Variants in DCC observed in about 807,000 individuals in gnomAD.
The protein encoded by DCC is DCC netrin 1 receptor.
A neutral mutation model predicts 172.5 loss-of-function variants in DCC; 58 were observed. The observed-to-expected ratio is 0.34, with a 90% CI of 0.27 to 0.42. DCC has a LOEUF of 0.42. Ranked by LOEUF, DCC falls within the 10% of genes least tolerant of loss-of-function variation. The pLI is 1.00. For synonymous variants in DCC, 709 were observed against 644.5 expected, an observed-to-expected ratio of 1.10 and a Z score of -1.52; for missense variants, 1,740 against 1,791.0, an observed-to-expected ratio of 0.97 and a Z score of 0.51.
At chr18:53,012,007 C>T (rs150675595) in intron 5 of DCC, among the ~76,000 whole-genome samples, 248 of 151,798 alleles carry the variant, frequency 1.6e-3, no homozygotes, top group African/African-American at 5.6e-3. Flanking sequence ...CCTTAGGCAC[C>T]CACCAGATTA....
At chr18:52,446,734 T>C (rs1988136228) in intron 1 of DCC, among the ~76,000 whole-genome samples, 1 of 152,200 alleles carries the variant, frequency 6.6e-6, no homozygotes, top group Non-Finnish European at 1.5e-5. Flanking sequence ...CACAGAGTTA[T>C]TTTTGTGTGT....
intron 5 of DCC, among the ~76,000 whole-genome samples, chr18:52,945,781 A>G (rs2040535450): frequency 6.6e-6 from 1 of 152,192 alleles, no homozygotes; most frequent in African/African-American, 2.4e-5. Context: ...ATGGGTCACA[A>G]ACTGACAACC....
chr18:53,029,328 G>A (rs906665541), intron 5 of DCC, among the ~76,000 whole-genome samples: 2 of 152,166 alleles, frequency 1.3e-5, no homozygotes, highest in African/African-American at 4.8e-5. Context: ...TTAGAACAGT[G>A]TCACCTGTTC....
At chr18:53,207,586 G>T in intron 10 of DCC, 93 bp from the exon 11 acceptor site, 3 of 1,198,812 alleles carry the variant, frequency 2.5e-6, no homozygotes, top group East Asian at 2.3e-5. Flanking sequence ...GTTTGTAAGA[G>T]TCTAATGTCC....
At chr18:52,414,347 G>T (rs907158840) in intron 1 of DCC, among the ~76,000 whole-genome samples, 3 of 152,072 alleles carry the variant, frequency 2.0e-5, no homozygotes, top group African/African-American at 7.3e-5. Flanking sequence ...GCCTCCCAAA[G>T]TGCTGGGATT....
intron 1 of DCC, among the ~76,000 whole-genome samples, chr18:52,636,440 T>C (rs1598974696): frequency 6.6e-6 from 1 of 151,790 alleles, no homozygotes; most frequent in Non-Finnish European, 1.5e-5. Context: ...CTGGGGCAGG[T>C]TTTCAAGCCC....
chr18:53,333,201 T>C (rs2057551350), intron 14 of DCC, among the ~76,000 whole-genome samples: 1 of 152,200 alleles, frequency 6.6e-6, no homozygotes, highest in African/African-American at 2.4e-5. Context: ...TTAAAGTTTA[T>C]AGAGGTGAGC....
chr18:53,310,665 T>A (rs1396485501), intron 13 of DCC, among the ~76,000 whole-genome samples: 1 of 152,168 alleles, frequency 6.6e-6, no homozygotes, highest in African/African-American at 2.4e-5. Flanking sequence ...AGTTTTCTTG[T>A]GTTTCATGGT....
chr18:53,008,450 A>C (rs1201164314), intron 5 of DCC, among the ~76,000 whole-genome samples: 1 of 152,094 alleles, frequency 6.6e-6, no homozygotes, highest in African/African-American at 2.4e-5. Context: ...TGTTTTCAAA[A>C]AAGAATATAT....
At chr18:52,907,890 T>TA (rs1274659181) in intron 3 of DCC, among the ~76,000 whole-genome samples, 1 of 152,184 alleles carries the variant, frequency 6.6e-6, no homozygotes, top group Non-Finnish European at 1.5e-5. Context: ...ATGATGATTT[T>TA]AAAAAAGTCA....
intron 5 of DCC, among the ~76,000 whole-genome samples, chr18:52,948,665 C>A (rs1214392426): frequency 6.6e-6 from 1 of 152,170 alleles, no homozygotes; most frequent in East Asian, 1.9e-4. Flanking sequence ...CTATGGGGCA[C>A]CCCTGCTTTG....
intron 1 of DCC, among the ~76,000 whole-genome samples, chr18:52,624,000 A>G (rs1408903004): frequency 6.6e-6 from 1 of 152,194 alleles, no homozygotes; most frequent in Non-Finnish European, 1.5e-5. Flanking sequence ...TAGAAATTGT[A>G]GGTTACAAAA....
At chr18:53,395,059 C>T (rs927097662) in intron 17 of DCC, among the ~76,000 whole-genome samples, 13 of 150,040 alleles carry the variant, frequency 8.7e-5, no homozygotes, top group South Asian at 2.1e-4. Context: ...CTGAGGCATG[C>T]GAATCACTTG....
chr18:52,437,733 C>T (rs9951433), intron 1 of DCC, among the ~76,000 whole-genome samples: 1 of 152,094 alleles, frequency 6.6e-6, no homozygotes, highest in African/African-American at 2.4e-5. Context: ...ATGCTTATCC[C>T]ACTTGTCTCT....
chr18:53,205,497 A>G lies in DCC; in HGVS notation c.1722+133A>G, dbSNP rs548152391. ...CCCAGTGTTAACACATTCATTGAAA[A>G]GCTGATTAGTTTTAAAGCACTTGTT... is the stretch of plus-strand genomic sequence containing the variant. On this transcript the variant is annotated intron_variant, in intron 10 of 28. Transcript: ENST00000442544. 1.6e-3 allele frequency: 1,367 copies of G among 878,356 alleles called. 19 individuals carry two copies. The highest frequency in any genetic ancestry group is 8.0e-3 in the South Asian group (588 of 73,654). The allele number at this position is 878,356 out of a possible 1,614,324, so 54.4% of individuals were successfully genotyped here.
intron 1 of DCC, among the ~76,000 whole-genome samples, chr18:52,687,338 G>A (rs906951872): frequency 6.8e-5 from 10 of 146,234 alleles, no homozygotes; most frequent in Middle Eastern, 3.6e-3. Flanking sequence ...AGGCTGGAGT[G>A]TGATGGTGTG....
chr18:52,512,253 TG>T (rs1415359837), intron 1 of DCC, among the ~76,000 whole-genome samples: 1 of 152,204 alleles, frequency 6.6e-6, no homozygotes, highest in East Asian at 1.9e-4. Context: ...ACCATTCCTG[TG>T]GCCAAGTCCT....
chr18:52,610,168 AAAAAAAAAAAATATATATATATATAT>A (rs1425375991), intron 1 of DCC, among the ~76,000 whole-genome samples: 286 of 23,044 alleles, frequency 0.012, 25 homozygotes, highest in Admixed American at 0.088. Flanking sequence ...AAAAAAAAAA[AAAAAAAAAAAATATATATATATATAT>A]ATATATATAT....
At chr18:52,581,225 A>C (rs1304650171) in intron 1 of DCC, among the ~76,000 whole-genome samples, 2 of 151,840 alleles carry the variant, frequency 1.3e-5, no homozygotes, top group East Asian at 3.9e-4. Flanking sequence ...GTAGTTTCTC[A>C]TATGTTTTAA....
Sources: gnomAD v4.1 joint callset for allele counts (sites outside exome capture counted in the v4.1 genomes callset) on GRCh38, gnomAD v4.1.1 for gene constraint, MANE v1.5 for transcripts, NCBI Gene and HGNC (gene_info 2026-07-23, HGNC 2026-07-21) for gene names.